Variants in HCN1 observed in about 807,000 individuals in gnomAD.
The protein encoded by HCN1 is potassium/sodium hyperpolarization-activated cyclic nucleotide-gated channel 1.
HCN1 carries 13 observed loss-of-function variants against 78.9 expected under a neutral mutation model. That is an observed-to-expected ratio of 0.16 (90% CI 0.11 to 0.26). HCN1 has a LOEUF of 0.26. Among genes scored for constraint, HCN1 ranks in the 10% least tolerant of loss-of-function variants. The pLI is 1.00. For synonymous variants in HCN1, 552 were observed against 455.5 expected (o/e 1.21, Z -2.70); for missense variants, 810 against 1,154.3 (o/e 0.70, Z 4.32).
intron 7 of HCN1, 95 bp downstream of exon 7, chr5:45,266,994 T>A (rs1744871893): frequency 9.4e-7 from 1 of 1,068,158 alleles, no homozygotes; most frequent in African/African-American, 1.6e-5. Context: ...CAGGCATGAG[T>A]CACCACTCCC....
At chr5:45,627,134 A>G (rs1745180365) in intron 2 of HCN1, among the ~76,000 whole-genome samples, 1 of 152,142 alleles carries the variant, frequency 6.6e-6, no homozygotes, top group Admixed American at 6.6e-5. Flanking sequence ...TTCAGGCAGG[A>G]AGAAATACAA....
intron 1 of HCN1, among the ~76,000 whole-genome samples, chr5:45,671,869 C>A (rs951357658): frequency 2.6e-5 from 4 of 151,490 alleles, no homozygotes; most frequent in Non-Finnish European, 5.9e-5. Flanking sequence ...TTTATCTTTA[C>A]AAAGTCACTA....
At chr5:45,579,468 C>T (rs187425788) in intron 2 of HCN1, among the ~76,000 whole-genome samples, 28 of 152,054 alleles carry the variant, frequency 1.8e-4, no homozygotes, top group Admixed American at 5.9e-4. Context: ...GTCATATTTT[C>T]GTCTCCTGCA....
intron 5 of HCN1, among the ~76,000 whole-genome samples, chr5:45,338,355 A>G (rs1287880068): frequency 6.6e-6 from 1 of 152,148 alleles, no homozygotes; most frequent in Non-Finnish European, 1.5e-5. Flanking sequence ...CAATACTTTC[A>G]TAAGCTTTCT....
At chr5:45,587,375 A>G (rs994162787) in intron 2 of HCN1, among the ~76,000 whole-genome samples, 1 of 152,200 alleles carries the variant, frequency 6.6e-6, no homozygotes. Flanking sequence ...AGCCACAAAA[A>G]AGGATGAGTT....
At chr5:45,658,896 C>A (rs1745852817) in intron 1 of HCN1, among the ~76,000 whole-genome samples, 3 of 147,612 alleles carry the variant, frequency 2.0e-5, no homozygotes, top group Admixed American at 2.0e-4. Context: ...CGCCATTGCC[C>A]AGGCTTGCTT....
chr5:45,404,345 G>A (rs925173538), intron 3 of HCN1, among the ~76,000 whole-genome samples: 1 of 151,980 alleles, frequency 6.6e-6, no homozygotes, highest in Non-Finnish European at 1.5e-5. Flanking sequence ...CAGACAATAA[G>A]CAAATAAAAT....
intron 3 of HCN1, among the ~76,000 whole-genome samples, chr5:45,447,970 CAA>C (rs1210612069): frequency 8.6e-5 from 13 of 151,688 alleles, no homozygotes; most frequent in African/African-American, 2.9e-4. Flanking sequence ...CCACGCAACA[CAA>C]AAGAGAACAT....
chr5:45,287,050 ATAT>A (rs201106235), intron 6 of HCN1, among the ~76,000 whole-genome samples: 5,714 of 151,862 alleles, frequency 0.038, 382 homozygotes, highest in African/African-American at 0.13. Context: ...TATTAAATTC[ATAT>A]TATTTAGCAA....
intron 2 of HCN1, among the ~76,000 whole-genome samples, chr5:45,595,286 T>C (rs1282527421): frequency 6.6e-6 from 1 of 152,176 alleles, no homozygotes; most frequent in Non-Finnish European, 1.5e-5. Flanking sequence ...GCCAAGTTGG[T>C]AGCTCTGAAG....
intron 2 of HCN1, among the ~76,000 whole-genome samples, chr5:45,624,263 T>TA (rs1473571535): frequency 6.6e-6 from 1 of 152,138 alleles, no homozygotes; most frequent in Non-Finnish European, 1.5e-5. Flanking sequence ...GTAGAAGTAA[T>TA]AAAACACTTA....
chr5:45,671,914 A>G (rs909690339), intron 1 of HCN1, among the ~76,000 whole-genome samples: 1 of 151,572 alleles, frequency 6.6e-6, no homozygotes, highest in African/African-American at 2.4e-5. Context: ...TTTCTTCTCA[A>G]TTGGTTTAAA....
At chr5:45,523,642 G>T (rs899384294) in intron 2 of HCN1, among the ~76,000 whole-genome samples, 4 of 152,096 alleles carry the variant, frequency 2.6e-5, no homozygotes, top group African/African-American at 9.6e-5. Context: ...GTGTTTTTTG[G>T]CTGCATAAAT....
intron 3 of HCN1, among the ~76,000 whole-genome samples, chr5:45,398,951 G>A (rs1015195474): frequency 1.3e-5 from 2 of 152,168 alleles, no homozygotes; most frequent in Non-Finnish European, 2.9e-5. Flanking sequence ...CCGTGCCCAT[G>A]TGTAAACATT....
At chr5:45,410,103 C>T (rs1241425749) in intron 3 of HCN1, among the ~76,000 whole-genome samples, 1 of 151,900 alleles carries the variant, frequency 6.6e-6, no homozygotes, top group Non-Finnish European at 1.5e-5. Flanking sequence ...ATAGCAGAAA[C>T]ATGAGTACAG....
At chr5:45,586,872 T>C (rs972592407) in intron 2 of HCN1, among the ~76,000 whole-genome samples, 1 of 152,214 alleles carries the variant, frequency 6.6e-6, no homozygotes, top group Non-Finnish European at 1.5e-5. Context: ...TTAATAAACC[T>C]TTTGAAATAC....
intron 4 of HCN1, among the ~76,000 whole-genome samples, chr5:45,359,221 C>G (rs1295727428): frequency 6.6e-6 from 1 of 151,830 alleles, no homozygotes; most frequent in Admixed American, 6.6e-5. Flanking sequence ...TCCTGGAAGA[C>G]AGGGATAAGA....
At chr5:45,372,857 T>C (rs1747447583) in intron 4 of HCN1, among the ~76,000 whole-genome samples, 1 of 143,754 alleles carries the variant, frequency 7.0e-6, no homozygotes, top group South Asian at 2.2e-4. Context: ...TCGTATTCTA[T>C]ACACAAAAAT....
intron 2 of HCN1, among the ~76,000 whole-genome samples, chr5:45,477,282 G>A (rs1384164412): frequency 6.6e-6 from 1 of 152,110 alleles, no homozygotes; most frequent in African/African-American, 2.4e-5. Context: ...AAGTTTAAGA[G>A]ACTAACACAT....
Sources: gnomAD v4.1 joint callset for allele counts (sites outside exome capture counted in the v4.1 genomes callset) on GRCh38, gnomAD v4.1.1 for gene constraint, MANE v1.5 for transcripts, NCBI Gene and HGNC (gene_info 2026-07-23, HGNC 2026-07-21) for gene names.